The following SNX4 variants were observed in gnomAD, a reference collection of about 807,000 sequenced individuals.
The protein encoded by SNX4 is sorting nexin-4.
In SNX4, 49 loss-of-function variants were observed where a neutral mutation model predicts 70.8. The ratio of observed to expected loss-of-function variants is 0.69; its 90% confidence interval spans 0.55 to 0.88. The LOEUF (loss-of-function observed/expected upper bound fraction) is 0.88. SNX4 is among the 40% of genes least tolerant of loss of function. SNX4 has a pLI of 0.00. For missense variants in SNX4, 528 were observed against 544.8 expected (o/e 0.97, Z 0.31); for synonymous variants, 206 against 183.8 (o/e 1.12, Z -0.98).
At chr3:125,451,036 C>A (rs1265993958) in intron 13 of SNX4, among the ~76,000 whole-genome samples, 1 of 152,004 alleles carries the variant, frequency 6.6e-6, no homozygotes, top group Admixed American at 6.6e-5. Context: ...GAGGCCGAGG[C>A]AGGAGGACTA....
At chr3:125,494,562 T>C (rs1934738293) in intron 5 of SNX4, among the ~76,000 whole-genome samples, 2 of 152,258 alleles carry the variant, frequency 1.3e-5, no homozygotes, top group South Asian at 2.1e-4. Context: ...AAAAGTTTTC[T>C]TCTTTTTTAC....
chr3:125,500,799 C>CAA (rs770336677), intron 2 of SNX4, among the ~76,000 whole-genome samples: 438 of 29,320 alleles, frequency 0.015, 75 homozygotes, highest in African/African-American at 0.051. Context: ...GACTCCGTCT[C>CAA]AAAAAAAAAA....
chr3:125,449,148 G>A (rs1933507463), intron 13 of SNX4: 1 of 151,782 alleles, frequency 6.6e-6, no homozygotes, highest in Admixed American at 6.6e-5. Flanking sequence ...CTCGGGCCAG[G>A]TGCGGTGGCT....
chr3:125,504,567 T>C (rs1360421524), intron 2 of SNX4, 56 bp downstream of exon 2: 7 of 1,529,462 alleles, frequency 4.6e-6, no homozygotes, highest in Non-Finnish European at 6.3e-6. Flanking sequence ...TCTGCATCAA[T>C]AGCTATCAGA....
intron 8 of SNX4, among the ~76,000 whole-genome samples, chr3:125,475,572 C>A (rs1391671658): frequency 6.6e-6 from 1 of 152,136 alleles, no homozygotes; most frequent in African/African-American, 2.4e-5. Flanking sequence ...ACCATGTTGG[C>A]CAGGCTGGTC....
intron 1 of SNX4, among the ~76,000 whole-genome samples, chr3:125,512,806 A>C (rs1190587279): frequency 2.0e-5 from 3 of 149,750 alleles, no homozygotes; most frequent in African/African-American, 7.4e-5. Flanking sequence ...AGTGTCACCC[A>C]GGCTGGAGTG....
At chr3:125,504,148 C>T (rs554400488) in intron 2 of SNX4, among the ~76,000 whole-genome samples, 402 of 152,078 alleles carry the variant, frequency 2.6e-3, no homozygotes, top group African/African-American at 9.1e-3. Flanking sequence ...CTGACCAACA[C>T]GGTGAAACCC....
intron 9 of SNX4, among the ~76,000 whole-genome samples, chr3:125,467,263 T>C (rs768275820): frequency 2.6e-5 from 4 of 151,800 alleles, no homozygotes; most frequent in Admixed American, 6.6e-5. Context: ...GGTGGGCGCC[T>C]GTAATCCCAG....
At chr3:125,492,441 CAG>C (rs1204512762) in intron 5 of SNX4, among the ~76,000 whole-genome samples, 1 of 151,360 alleles carries the variant, frequency 6.6e-6, no homozygotes, top group Non-Finnish European at 1.5e-5. Flanking sequence ...TTTTTCAAGA[CAG>C]AGTCTTGCTC....
At chr3:125,460,886 T>C (rs771666684) in intron 9 of SNX4, 26 bp from the exon 10 acceptor site, 5 of 1,118,624 alleles carry the variant, frequency 4.5e-6, no homozygotes, top group Non-Finnish European at 6.3e-6. Context: ...AAACACACAT[T>C]GCATAGAGTT....
intron 1 of SNX4, 128 bp from the exon 2 acceptor site, chr3:125,504,872 T>A (rs1935013447): frequency 9.2e-7 from 1 of 1,088,798 alleles, no homozygotes. Context: ...TTATAGTTCT[T>A]GAGTTGCCAG....
rs576321489 is a variant in SNX4, at chr3:125,456,117, C to T, written c.1044+1149G>A. ...GCTCACCATGATGGCTGATTTATTGCAATGAAATAACTGGAGTAGAAAGCT... is the reference window on the plus strand; with the variant it reads ...GCTCACCATGATGGCTGATTTATTGTAATGAAATAACTGGAGTAGAAAGCT... On this transcript the variant is annotated intron_variant, in intron 11 of 13. Coordinates refer to ENST00000251775, the MANE Select transcript of SNX4 (RefSeq NM_003794.4). 2.6e-5 allele frequency among the ~76,000 whole-genome samples: 4 copies of T among 152,134 alleles called. No individual in the cohort carries two copies. The South Asian group carries it at 8.3e-4, about 32-fold the overall frequency.
chr3:125,491,869 G>T (rs555728539), intron 5 of SNX4, among the ~76,000 whole-genome samples: 2 of 152,224 alleles, frequency 1.3e-5, no homozygotes, highest in South Asian at 4.2e-4. Flanking sequence ...AGCACTTTGG[G>T]AGGCTGAGGC....
At chr3:125,478,034 A>G (rs531929616) in intron 7 of SNX4, among the ~76,000 whole-genome samples, 3 of 150,374 alleles carry the variant, frequency 2.0e-5, no homozygotes, top group Admixed American at 6.7e-5. Context: ...CTAGGATGTC[A>G]TTTCCTCCTC....
chr3:125,497,467 C>T, intron 4 of SNX4, 79 bp from the exon 5 acceptor site: 1 of 945,746 alleles, frequency 1.1e-6, no homozygotes. Flanking sequence ...TTCTATCATT[C>T]TGTTCTTACT....
In SNX4 at chr3:125,509,527, G is replaced by C. The variant is rs1935123208; in HGVS notation, c.142-4783C>G. ...AGCACTTTGGGAGGCCAAGGCGGGTGGATCACCTGAGGTCAGGAGTTCAAG... is the reference window on the plus strand; with the variant it reads ...AGCACTTTGGGAGGCCAAGGCGGGTCGATCACCTGAGGTCAGGAGTTCAAG... On this transcript the variant is annotated intron_variant, in intron 1 of 13. Coordinates refer to ENST00000251775, the MANE Select transcript of SNX4 (RefSeq NM_003794.4). Among the ~76,000 whole-genome samples the C allele has an allele frequency of 3.9e-5, 6 of 151,928 alleles. 1 individual carries two copies. Among genetic ancestry groups the C allele is most frequent in the Admixed American group, 3.9e-4 (6 of 15,248 alleles).
intron 10 of SNX4, 64 bp from the exon 11 acceptor site, chr3:125,457,429 G>C: frequency 1.6e-6 from 2 of 1,224,224 alleles, no homozygotes; most frequent in South Asian, 2.5e-5. Flanking sequence ...TTTTTTTCAA[G>C]GGTAGAGGAG....
intron 13 of SNX4, among the ~76,000 whole-genome samples, chr3:125,448,793 A>G (rs1193313233): frequency 6.9e-6 from 1 of 145,654 alleles, no homozygotes; most frequent in African/African-American, 2.6e-5. Flanking sequence ...CTACCACCTC[A>G]GCCTCCCAAG....
chr3:125,498,337 T>G, intron 2 of SNX4, 143 bp from the exon 3 acceptor site: 2 of 836,540 alleles, frequency 2.4e-6, no homozygotes, highest in South Asian at 3.8e-5. Flanking sequence ...TTTCTTTTTT[T>G]TCAAGACAGG....
Sources: allele counts gnomAD v4.1 joint callset (sites outside exome capture counted in the v4.1 genomes callset), GRCh38; gene constraint gnomAD v4.1.1; transcripts MANE v1.5; gene names NCBI Gene and HGNC (gene_info 2026-07-23, HGNC 2026-07-21).